The following PTPRM variants were observed in gnomAD, a reference collection of about 807,000 sequenced individuals.
PTPRM encodes the protein protein tyrosine phosphatase receptor type M, also known as receptor-type tyrosine-protein phosphatase mu.
PTPRM carries 47 observed loss-of-function variants against 186.7 expected under a neutral mutation model. The observed-to-expected ratio is 0.25, with a 90% CI of 0.20 to 0.32. The LOEUF is 0.32. Among genes scored for constraint, PTPRM ranks in the 10% least tolerant of loss-of-function variants. PTPRM has a pLI of 1.00. For missense variants in PTPRM, 1,494 were observed against 1,865.0 expected (o/e 0.80, Z 3.66); for synonymous variants, 668 against 674.9 (o/e 0.99, Z 0.16).
chr18:8,240,898 G>T lies in PTPRM; in HGVS notation c.2301-3160G>T, dbSNP rs532868402. On this transcript the variant is annotated intron_variant, in intron 14 of 32. Transcript: ENST00000580170. ...GTGGCAACCCTCATGGAGCAGGTCT[G>T]TCAGCACCGTTTTTCCTACAGCATG... Among the ~76,000 whole-genome samples the T allele has an allele frequency of 4.6e-5, 7 of 152,192 alleles. No homozygotes were observed. In the South Asian group the frequency reaches 1.5e-3, roughly 32 times the overall value.
At chr18:8,270,822 G>A (rs1601572420) in intron 19 of PTPRM, among the ~76,000 whole-genome samples, 2 of 152,122 alleles carry the variant, frequency 1.3e-5, no homozygotes, top group African/African-American at 2.4e-5. Context: ...AGAGTAGAAC[G>A]ATGATTGCCA....
chr18:8,302,758 G>T (rs1003239526), intron 20 of PTPRM, among the ~76,000 whole-genome samples: 1 of 151,958 alleles, frequency 6.6e-6, no homozygotes. Context: ...TTAGATGGAT[G>T]ATGGGCAGTT....
chr18:7,940,210 A>T (rs1349695919), intron 5 of PTPRM, among the ~76,000 whole-genome samples: 6 of 152,188 alleles, frequency 3.9e-5, no homozygotes, highest in African/African-American at 1.4e-4. Flanking sequence ...ATCACTTTTA[A>T]TATCACCACC....
intron 1 of PTPRM, among the ~76,000 whole-genome samples, chr18:7,716,511 T>C (rs1323483745): frequency 2.6e-5 from 4 of 152,142 alleles, no homozygotes; most frequent in African/African-American, 9.7e-5. Flanking sequence ...CTAAAGAGCT[T>C]CTGCACAACA....
intron 1 of PTPRM, among the ~76,000 whole-genome samples, chr18:7,712,886 A>T (rs1430384778): frequency 4.6e-5 from 7 of 152,104 alleles, no homozygotes; most frequent in Non-Finnish European, 7.4e-5. Context: ...GACCAAACCT[A>T]TGTTTGATTG....
At chr18:8,150,316 C>T (rs1042834862) in intron 14 of PTPRM, among the ~76,000 whole-genome samples, 3 of 152,174 alleles carry the variant, frequency 2.0e-5, no homozygotes, top group African/African-American at 7.2e-5. Flanking sequence ...CACATAGTCC[C>T]ATATTTCTTG....
intron 1 of PTPRM, among the ~76,000 whole-genome samples, chr18:7,684,592 T>TA (rs1447989597): frequency 6.6e-6 from 1 of 152,214 alleles, no homozygotes; most frequent in East Asian, 1.9e-4. Context: ...AATAGAATCA[T>TA]ACGCTATTTG....
intron 20 of PTPRM, among the ~76,000 whole-genome samples, chr18:8,302,952 C>T (rs932659378): frequency 6.6e-6 from 1 of 152,094 alleles, no homozygotes; most frequent in East Asian, 1.9e-4. Context: ...CGATGCCAAG[C>T]AGACAGTTCT....
intron 15 of PTPRM, 32 bp from the exon 16 acceptor site, chr18:8,247,813 C>T (rs777801036): frequency 2.0e-6 from 3 of 1,507,868 alleles, no homozygotes; most frequent in East Asian, 2.3e-5. Context: ...TACCTCTCTG[C>T]TGCCCCTGAC....
intron 1 of PTPRM, among the ~76,000 whole-genome samples, chr18:7,684,148 A>G (rs1462520527): frequency 6.6e-6 from 1 of 151,826 alleles, no homozygotes; most frequent in Admixed American, 6.6e-5. Flanking sequence ...TTTTTCAGTT[A>G]TGGTAGCCTG....
At chr18:7,760,673 G>T (rs987173530) in intron 1 of PTPRM, among the ~76,000 whole-genome samples, 2 of 152,166 alleles carry the variant, frequency 1.3e-5, no homozygotes, top group African/African-American at 4.8e-5. Flanking sequence ...AGCTAGATAG[G>T]TAAGTAGGTC....
chr18:7,573,211 G>A (rs1482274692), intron 1 of PTPRM, among the ~76,000 whole-genome samples: 1 of 152,186 alleles, frequency 6.6e-6, no homozygotes, highest in Non-Finnish European at 1.5e-5. Flanking sequence ...CTTAGCAAGG[G>A]AGGGTCACTC....
intron 23 of PTPRM, among the ~76,000 whole-genome samples, chr18:8,357,254 A>G (rs1182474060): frequency 6.6e-6 from 1 of 152,222 alleles, no homozygotes; most frequent in Admixed American, 6.5e-5. Flanking sequence ...AGTGAGACAA[A>G]TTCTGTCAGT....
chr18:7,958,887 T>G (rs2053489176), intron 7 of PTPRM, among the ~76,000 whole-genome samples: 1 of 152,198 alleles, frequency 6.6e-6, no homozygotes, highest in South Asian at 2.1e-4. Context: ...GGTTTTGTGC[T>G]AAAACATCAC....
chr18:7,963,176 C>T (rs1599745137), intron 7 of PTPRM, among the ~76,000 whole-genome samples: 1 of 152,206 alleles, frequency 6.6e-6, no homozygotes, highest in Non-Finnish European at 1.5e-5. Flanking sequence ...GTCACGTCAC[C>T]GTGTACATAG....
intron 14 of PTPRM, among the ~76,000 whole-genome samples, chr18:8,243,419 G>A (rs553742217): frequency 6.6e-6 from 1 of 152,242 alleles, no homozygotes; most frequent in South Asian, 2.1e-4. Flanking sequence ...GTTCATTTGG[G>A]ATTTGGGACA....
chr18:8,051,961 C>G (rs1475281292), intron 7 of PTPRM, among the ~76,000 whole-genome samples: 2 of 152,096 alleles, frequency 1.3e-5, no homozygotes. Context: ...TATTCTCTTT[C>G]ATTAAAACAA....
At chr18:7,831,267 G>C (rs9953514) in intron 2 of PTPRM, among the ~76,000 whole-genome samples, 3 of 151,914 alleles carry the variant, frequency 2.0e-5, no homozygotes, top group Admixed American at 6.6e-5. Flanking sequence ...GAGCAACTCT[G>C]CCTTTCTTAT....
chr18:8,211,872 G>A lies in PTPRM; in HGVS notation c.2301-32186G>A, dbSNP rs77827223. The stretch of plus-strand genomic sequence containing the variant: ...GGAAGGGCAGCACAACTCCCAGGCA[G>A]CATGGAGGGCTCGCTGGAGGCTGTG... On this transcript the variant is annotated intron_variant, in intron 14 of 32. Transcript: ENST00000580170. Among the ~76,000 whole-genome samples the A allele has an allele frequency of 2.4e-3, 366 of 152,284 alleles. 2 individuals are homozygous for A. Among genetic ancestry groups the A allele is most frequent in the Non-Finnish European group, 3.6e-3 (248 of 68,020 alleles).
Sources: allele counts gnomAD v4.1 joint callset (sites outside exome capture counted in the v4.1 genomes callset), GRCh38; gene constraint gnomAD v4.1.1; transcripts MANE v1.5; gene names NCBI Gene and HGNC (gene_info 2026-07-23, HGNC 2026-07-21).